The following FEM1C variants were observed in gnomAD, a reference collection of about 807,000 sequenced individuals.
FEM1C encodes protein fem-1 homolog C.
FEM1C carries 15 observed loss-of-function variants against 37.6 expected under a neutral mutation model. The observed-to-expected ratio is 0.40, with a 90% CI of 0.27 to 0.61. The LOEUF (loss-of-function observed/expected upper bound fraction) is 0.61. Ranked by LOEUF, FEM1C falls within the 20% of genes least tolerant of loss-of-function variation. The probability of loss-of-function intolerance (pLI) is 0.42; values close to 1 mark genes in which losing one functional copy is unlikely to be tolerated. For synonymous variants in FEM1C, 287 were observed against 272.8 expected, an observed-to-expected ratio of 1.05 and a Z score of -0.51; for missense variants, 532 against 749.7, an observed-to-expected ratio of 0.71 and a Z score of 3.39.
intron 2 of FEM1C, among the ~76,000 whole-genome samples, chr5:115,527,015 C>T (rs995760477): frequency 6.6e-6 from 1 of 151,988 alleles, no homozygotes; most frequent in Non-Finnish European, 1.5e-5. Context: ...AAACATGACA[C>T]ATATGTATTT....
In FEM1C at chr5:115,523,534, G is replaced by A. The variant is rs1438544085; in HGVS notation, c.*774C>T. On this transcript the variant is annotated 3_prime_UTR_variant, in exon 3 of 3. Transcript: ENST00000274457. ...AGAATAGATCTGTTTCCCAAATTTA[G>A]CACACAATAATTTCAGTGGATTAGA... 1 of 152,370 alleles carries A rather than the reference G, an allele frequency of 6.6e-6. No individual in the cohort carries two copies. Among genetic ancestry groups the A allele is most frequent in the Non-Finnish European group, 1.5e-5 (1 of 67,944 alleles). 9.4% of individuals were successfully genotyped at this position (152,370 alleles called of 1,614,324 possible). A position where few individuals can be genotyped will look rare whatever the true frequency, so the allele number is the denominator to read the frequency against.
rs781708327 is a variant in FEM1C, at chr5:115,525,304, T to C, written c.858A>G (p.Lys286=). The part of the protein sequence containing the change: ...RYSDRTNIIS[K]PVPQTLIMAY... ...CCATTATTAGTGTCTGTGGCACTGGTTTACTAATAATATTAGTCCTATCAC... is the reference window on the plus strand; with the variant it reads ...CCATTATTAGTGTCTGTGGCACTGGCTTACTAATAATATTAGTCCTATCAC... Residue 286 remains lysine, a synonymous_variant, in exon 3 of 3, where the codon AAA becomes AAG. Transcript: ENST00000274457. 26 of 1,613,772 alleles carry C rather than the reference T, an allele frequency of 1.6e-5. No homozygotes were observed. The highest frequency in any genetic ancestry group is 2.2e-5 in the Non-Finnish European group (26 of 1,179,828).
chr5:115,543,218 T>A lies in FEM1C; in HGVS notation c.276A>T (p.Ala92=). The A allele has an allele frequency of 6.2e-7, 1 of 1,614,252 alleles. No homozygotes were observed. The highest frequency in any genetic ancestry group is 8.5e-7 in the Non-Finnish European group (1 of 1,180,038). The part of the protein sequence containing the change: ...EGAPPLWAAS[A]AGHLKVVQSL... ...ACTGGACCACCTTCAGATGTCCTGC[T>A]GCAGAAGCGGCCCATAAAGGGGGAG... The change falls in exon 2 of 3, where the codon GCA becomes GCT. Residue 92 remains alanine (A), a synonymous_variant. Coordinates refer to ENST00000274457, the MANE Select transcript of FEM1C (RefSeq NM_020177.3).
Position 115,524,852 on chromosome 5 carries a change from T to C in FEM1C, c.1310A>G (p.Gln437Arg). The C allele has an allele frequency of 6.2e-7, 1 of 1,612,580 alleles. No homozygotes were observed. The highest frequency in any genetic ancestry group is 8.5e-7 in the Non-Finnish European group (1 of 1,179,422). The change falls in exon 3 of 3, where the codon CAG (glutamine) becomes CGG (arginine). Residue 437 changes from glutamine (Q) to arginine (R), a missense_variant. Around this residue, in one of 3 missense-constraint regions of FEM1C, gnomAD observed 237 missense variants for 260.5 expected, o/e 0.91. Transcript: ENST00000274457. Reference sequence around the variant, plus strand: ...AATAATAGAAAGGGCCTTATTTAACTGTAATGGGTCAGCTGGACACTGAGT... The same window carrying C: ...AATAATAGAAAGGGCCTTATTTAACCGTAATGGGTCAGCTGGACACTGAGT... ...KQTQCPADPL[Q>R]LNKALSIILH...
At chr5:115,528,287 G>GA (rs1753946602) in intron 2 of FEM1C, among the ~76,000 whole-genome samples, 2 of 152,216 alleles carry the variant, frequency 1.3e-5, no homozygotes, top group South Asian at 4.1e-4. Context: ...TGCAGGAGAA[G>GA]AAAAAACTAG....
Position 115,543,674 on chromosome 5 carries a change from G to A in FEM1C, c.-181C>T. 1.5e-6 allele frequency: 2 copies of A among 1,354,624 alleles called. No individual in the cohort carries two copies. Among genetic ancestry groups the A allele is most frequent in the Non-Finnish European group, 9.5e-7 (1 of 1,058,146 alleles). The allele number at this position is 1,354,624 out of a possible 1,614,324, so 83.9% of individuals were successfully genotyped here. On this transcript the variant is annotated 5_prime_UTR_variant, in exon 2 of 3. Transcript: ENST00000274457. Reference sequence around the variant, plus strand: ...ACTGCTTTCCAACATCTGACAACCAGGGCACCAAACTAGAGAAAGAAAAAA... The same window carrying A: ...ACTGCTTTCCAACATCTGACAACCAAGGCACCAAACTAGAGAAAGAAAAAA...
At chr5:115,540,699 A>G (rs1326957185) in intron 2 of FEM1C, among the ~76,000 whole-genome samples, 5 of 152,102 alleles carry the variant, frequency 3.3e-5, no homozygotes, top group Admixed American at 6.5e-5. Flanking sequence ...CTCATATACT[A>G]TATCTCCACA....
Position 115,524,622 on chromosome 5 carries a change from G to C in FEM1C, c.1540C>G (p.Leu514Val), listed in dbSNP as rs1002911600. ...KFPSLQVTAI[L>V]IECGADVNVR... Reference sequence around the variant, plus strand: ...TTCACATCAGCACCACATTCTATCAGTATTGCAGTAACTTGTAGAGATGGA... The same window carrying C: ...TTCACATCAGCACCACATTCTATCACTATTGCAGTAACTTGTAGAGATGGA... The change falls in exon 3 of 3, where the codon CTG (leucine) becomes GTG (valine). Residue 514 changes from leucine to valine, a missense_variant. Around this residue, in one of 3 missense-constraint regions of FEM1C, gnomAD observed 237 missense variants for 260.5 expected, o/e 0.91. Coordinates refer to ENST00000274457, the MANE Select transcript of FEM1C (RefSeq NM_020177.3). 1 of 1,598,420 alleles carries C rather than the reference G, an allele frequency of 6.3e-7. No homozygotes were observed. The highest frequency in any genetic ancestry group is 1.3e-5 in the African/African-American group (1 of 74,138).
At chr5:115,531,473 T>C (rs1228246455) in intron 2 of FEM1C, among the ~76,000 whole-genome samples, 1 of 152,142 alleles carries the variant, frequency 6.6e-6, no homozygotes. Context: ...CTAACAAATA[T>C]TTCCCTACCC....
chr5:115,525,630 G>C lies in FEM1C; in HGVS notation c.545-13C>G, dbSNP rs530634568. 10 of 1,580,988 alleles carry C rather than the reference G, an allele frequency of 6.3e-6. No individual in the cohort carries two copies. In the South Asian group the frequency reaches 1.0e-4, roughly 16 times the overall value. ...AATGCAGTATTACCTTAAAGAGAGAGAGAAAAAAAGAAATAACATACATTG... is the reference window on the plus strand; with the variant it reads ...AATGCAGTATTACCTTAAAGAGAGACAGAAAAAAAGAAATAACATACATTG... On this transcript the variant is annotated splice_polypyrimidine_tract_variant and intron_variant, in intron 2 of 2. Transcript: ENST00000274457.
In FEM1C at chr5:115,524,417, T is replaced by G; in HGVS notation, c.1745A>C (p.Asn582Thr). The change falls in exon 3 of 3, where the codon AAT becomes ACT. Residue 582 changes from asparagine to threonine, a missense_variant. By Grantham distance (65) the Asn-to-Thr change is moderately conservative (BLOSUM62 0). Around this residue, in one of 3 missense-constraint regions of FEM1C, gnomAD observed 237 missense variants for 260.5 expected, o/e 0.91. Coordinates refer to ENST00000274457, the MANE Select transcript of FEM1C (RefSeq NM_020177.3). The part of the protein sequence containing the change: ...EIAKNLIQPI[N>T]HTTLQCLAAR... The stretch of plus-strand genomic sequence containing the variant: ...AGCAAGACACTGCAATGTGGTATGA[T>G]TTATAGGCTGGATTAAATTTTTAGC... The G allele has an allele frequency of 6.2e-7, 1 of 1,613,572 alleles. No individual in the cohort carries two copies. Among genetic ancestry groups the G allele is most frequent in the Non-Finnish European group, 8.5e-7 (1 of 1,179,712 alleles).
intron 2 of FEM1C, among the ~76,000 whole-genome samples, chr5:115,536,963 G>GA (rs1303271365): frequency 1.3e-5 from 2 of 151,990 alleles, no homozygotes; most frequent in Non-Finnish European, 2.9e-5. Flanking sequence ...GGAGCTAAGG[G>GA]ATGAGGACTA....
At position 115,521,447 on chromosome 5, in the gene FEM1C, G is replaced by C. The variant is rs556109913; in HGVS notation, c.*2861C>G. 2.6e-5 allele frequency: 4 copies of C among 151,750 alleles called. No homozygotes were observed. The highest frequency in any genetic ancestry group is 1.5e-5 in the Non-Finnish European group (1 of 67,782). 9.4% of individuals were successfully genotyped at this position (151,750 alleles called of 1,614,324 possible). A position where few individuals can be genotyped will look rare whatever the true frequency, so the allele number is the denominator to read the frequency against. ...TCATAATGGGCACCAAATTATCTTT[G>C]ATTTGGGTTTATGCCTGTCAGATTT... On this transcript the variant is annotated 3_prime_UTR_variant, in exon 3 of 3. Transcript: ENST00000274457.
chr5:115,543,306 T>C lies in FEM1C; in HGVS notation c.188A>G (p.Gln63Arg). The C allele has an allele frequency of 6.2e-7, 1 of 1,614,212 alleles. No homozygotes were observed. The highest frequency in any genetic ancestry group is 8.5e-7 in the Non-Finnish European group (1 of 1,180,032). ...HLDMVEFLLE[Q>R]CSASIEVGGS... ...CCCAACTTCTATGGAGGCACTGCAT[T>C]GCTCTAGGAGGAATTCCACCATGTC... Residue 63 changes from glutamine to arginine, a missense_variant, in exon 2 of 3, where the codon CAA becomes CGA. Around this residue, in one of 3 missense-constraint regions of FEM1C, gnomAD observed 74 missense variants for 85.0 expected, o/e 0.87. Coordinates refer to ENST00000274457, the MANE Select transcript of FEM1C (RefSeq NM_020177.3).
At chr5:115,531,631 G>A (rs554750697) in intron 2 of FEM1C, among the ~76,000 whole-genome samples, 2 of 152,076 alleles carry the variant, frequency 1.3e-5, no homozygotes, top group Admixed American at 1.3e-4. Flanking sequence ...ACTAAACTCC[G>A]CCAAGTACCA....
rs1753785440 is a variant in FEM1C, at chr5:115,521,994, G to C, written c.*2314C>G. The C allele has an allele frequency of 6.6e-6, 1 of 151,746 alleles. No individual in the cohort carries two copies. Among genetic ancestry groups the C allele is most frequent in the Non-Finnish European group, 1.5e-5 (1 of 67,786 alleles). 9.4% of individuals were successfully genotyped at this position (151,746 alleles called of 1,614,324 possible). A position where few individuals can be genotyped will look rare whatever the true frequency, so the allele number is the denominator to read the frequency against. Reference sequence around the variant, plus strand: ...TTCAGTTATCAAGACTGAGTTCTAAGTTATCTATTTTTACTGGTGCAAAAA... The same window carrying C: ...TTCAGTTATCAAGACTGAGTTCTAACTTATCTATTTTTACTGGTGCAAAAA... On this transcript the variant is annotated 3_prime_UTR_variant, in exon 3 of 3. Coordinates refer to ENST00000274457, the MANE Select transcript of FEM1C (RefSeq NM_020177.3).
Position 115,524,330 on chromosome 5 carries a change from GTC to G in FEM1C, c.1830_1831del (p.Glu610AspfsTer7). The G allele has an allele frequency of 6.2e-7, 1 of 1,613,160 alleles. No individual in the cohort carries two copies. Among genetic ancestry groups the G allele is most frequent in the Non-Finnish European group, 8.5e-7 (1 of 1,179,504 alleles). ...TTATCATCTATGAAGGGAAACAAAA[GTC>G]TCTAGCTTTTCTGGGATATGCCCTT... On this transcript the variant is annotated frameshift_variant, in exon 3 of 3. Transcript: ENST00000274457. LOFTEE classifies it high-confidence loss of function.
intron 1 of FEM1C, chr5:115,543,921 C>A: frequency 1.0e-6 from 1 of 985,358 alleles, no homozygotes; most frequent in South Asian, 4.7e-5. Flanking sequence ...AATTTAAACA[C>A]TACAGGCAGC....
intron 2 of FEM1C, among the ~76,000 whole-genome samples, chr5:115,539,569 G>A (rs1754197903): frequency 6.6e-6 from 1 of 152,064 alleles, no homozygotes; most frequent in South Asian, 2.1e-4. Flanking sequence ...AATGCCATGG[G>A]AAAAGAAGAA....
Sources: allele counts gnomAD v4.1 joint callset (sites outside exome capture counted in the v4.1 genomes callset), GRCh38; gene constraint gnomAD v4.1.1; regional missense constraint gnomAD v4.1.1; transcripts MANE v1.5; gene names NCBI Gene and HGNC (gene_info 2026-07-23, HGNC 2026-07-21).